DDX4: variants seen among roughly 807,000 people sequenced by gnomAD.
The protein encoded by DDX4 is probable ATP-dependent RNA helicase DDX4.
A neutral mutation model predicts 100.0 loss-of-function variants in DDX4; 25 were observed. That is an observed-to-expected ratio of 0.25 (90% CI 0.18 to 0.35). DDX4 has a LOEUF of 0.35. Ranked by LOEUF, DDX4 falls within the 10% of genes least tolerant of loss-of-function variation. The pLI, the probability that DDX4 is intolerant of heterozygous loss-of-function variation, is 1.00. For synonymous variants in DDX4, 259 were observed against 275.7 expected (o/e 0.94, Z 0.60); for missense variants, 635 against 882.4 (o/e 0.72, Z 3.55).
intron 7 of DDX4, 27 bp downstream of exon 7, chr5:55,767,967 G>A (rs1209076833): frequency 1.2e-6 from 2 of 1,602,226 alleles, no homozygotes; most frequent in Non-Finnish European, 8.6e-7. Flanking sequence ...GGAACAATTT[G>A]TACTTAACAC....
chr5:55,785,230 CA>C, intron 10 of DDX4, 66 bp from the exon 11 acceptor site: 1 of 1,070,844 alleles, frequency 9.3e-7, no homozygotes, highest in Non-Finnish European at 1.4e-6. Flanking sequence ...TGAAGACAAG[CA>C]ACGAAAATAA....
intron 7 of DDX4, among the ~76,000 whole-genome samples, chr5:55,772,141 G>T (rs1741292650): frequency 6.6e-6 from 1 of 152,202 alleles, no homozygotes; most frequent in African/African-American, 2.4e-5. Context: ...AACCTGGGAG[G>T]CAGAGGTTGC....
At chr5:55,762,550 A>G (rs1226224779) in intron 4 of DDX4, among the ~76,000 whole-genome samples, 1 of 152,186 alleles carries the variant, frequency 6.6e-6, no homozygotes, top group Non-Finnish European at 1.5e-5. Context: ...AAAGATACAA[A>G]ATATTAGCAG....
At chr5:55,758,903 C>T (rs978873265) in intron 3 of DDX4, among the ~76,000 whole-genome samples, 6 of 127,996 alleles carry the variant, frequency 4.7e-5, no homozygotes, top group African/African-American at 1.2e-4. Context: ...AAAAAAGAGG[C>T]AGACAGACAA....
At chr5:55,772,965 G>T (rs1741344099) in intron 7 of DDX4, 1 of 152,192 alleles carries the variant, frequency 6.6e-6, no homozygotes, top group Non-Finnish European at 1.5e-5. Flanking sequence ...ATTCCTGTGT[G>T]ATTTTTAGAA....
At position 55,773,927 on chromosome 5, in the gene DDX4, T is replaced by G. The variant is rs73131137; in HGVS notation, c.394+5987T>G. Among the ~76,000 whole-genome samples, 1,447 of 152,122 alleles carry G rather than the reference T, an allele frequency of 9.5e-3. 28 individuals carry two copies. Among genetic ancestry groups the G allele is most frequent in the African/African-American group, 0.033 (1,379 of 41,518 alleles). Reference sequence around the variant, plus strand: ...GCATGTGTGCCACAGTGCCCAGCCCTTATTGTTGTTTTGATTGCATTTTTT... The same window carrying G: ...GCATGTGTGCCACAGTGCCCAGCCCGTATTGTTGTTTTGATTGCATTTTTT... On this transcript the variant is annotated intron_variant, in intron 7 of 21. Coordinates refer to ENST00000505374, the MANE Select transcript of DDX4 (RefSeq NM_024415.3).
intron 2 of DDX4, among the ~76,000 whole-genome samples, chr5:55,744,401 G>T (rs567688498): frequency 6.6e-6 from 1 of 152,122 alleles, no homozygotes; most frequent in Non-Finnish European, 1.5e-5. Context: ...GCCGTATTCT[G>T]AACTTTTGCC....
chr5:55,751,466 C>T (rs1170183147), intron 3 of DDX4, among the ~76,000 whole-genome samples: 1 of 152,218 alleles, frequency 6.6e-6, no homozygotes, highest in Non-Finnish European at 1.5e-5. Context: ...AACTCCTGAG[C>T]TCAAGTGATC....
At chr5:55,801,311 TCTC>T (rs1291581041) in intron 18 of DDX4, among the ~76,000 whole-genome samples, 1 of 151,934 alleles carries the variant, frequency 6.6e-6, no homozygotes, top group Non-Finnish European at 1.5e-5. Flanking sequence ...CCAAGACAAT[TCTC>T]CTAATGTGGC....
rs1743108492 is a variant in DDX4, at chr5:55,798,586, T to C, written c.1615+15T>C. On this transcript the variant is annotated intron_variant, in intron 18 of 21. Transcript: ENST00000505374. ...GCGAAACATAGGTATCTTACGTTGA[T>C]ACATTTTTTTGTCATGATTTTGATT... The C allele has an allele frequency of 6.4e-7, 1 of 1,565,124 alleles. No individual in the cohort carries two copies. Among genetic ancestry groups the C allele is most frequent in the South Asian group, 1.2e-5 (1 of 82,020 alleles).
intron 3 of DDX4, among the ~76,000 whole-genome samples, chr5:55,749,986 A>G (rs555373677): frequency 9.9e-6 from 1 of 100,736 alleles, no homozygotes; most frequent in African/African-American, 4.8e-5. Flanking sequence ...ATTCAGAGCA[A>G]AAAAAAAAAA....
At chr5:55,781,503 G>C (rs571792212) in intron 9 of DDX4, among the ~76,000 whole-genome samples, 1 of 152,182 alleles carries the variant, frequency 6.6e-6, no homozygotes, top group Non-Finnish European at 1.5e-5. Context: ...GAGGCCGGGC[G>C]TGGTGGCTCA....
chr5:55,759,682 C>G (rs539195537), intron 3 of DDX4, among the ~76,000 whole-genome samples: 1 of 152,074 alleles, frequency 6.6e-6, no homozygotes, highest in African/African-American at 2.4e-5. Context: ...ACAGACAGTG[C>G]TTATAAAAAT....
chr5:55,772,550 CCTT>C (rs1486181411), intron 7 of DDX4, among the ~76,000 whole-genome samples: 1 of 152,120 alleles, frequency 6.6e-6, no homozygotes, highest in East Asian at 1.9e-4. Flanking sequence ...GGATGTTTGT[CCTT>C]CTCATGTTGA....
chr5:55,781,912 GT>G (rs758026347), intron 9 of DDX4, 21 bp from the exon 10 acceptor site: 11 of 1,613,408 alleles, frequency 6.8e-6, no homozygotes, highest in Non-Finnish European at 9.3e-6. Context: ...ATCTAAATAT[GT>G]TGTGAAACAA....
At chr5:55,752,126 T>C (rs1759592415) in intron 3 of DDX4, among the ~76,000 whole-genome samples, 1 of 152,114 alleles carries the variant, frequency 6.6e-6, no homozygotes, top group Non-Finnish European at 1.5e-5. Flanking sequence ...CTAGACATAA[T>C]AGAAAATTTA....
At chr5:55,776,211 T>C (rs533234132) in intron 7 of DDX4, among the ~76,000 whole-genome samples, 151 of 152,266 alleles carry the variant, frequency 9.9e-4, no homozygotes, top group Non-Finnish European at 1.6e-3. Context: ...TAAACACAGA[T>C]GAAGAGAATG....
At position 55,815,133 on chromosome 5, in the gene DDX4, A is replaced by C. The variant is rs1174571740; in HGVS notation, c.1948A>C (p.Asn650His). 5 of 1,614,136 alleles carry C rather than the reference A, an allele frequency of 3.1e-6. No individual in the cohort carries two copies. In the African/African-American group the frequency reaches 5.3e-5, roughly 17 times the overall value. ...TTCCTTTTTTGATCTTGAATCGGAT[A>C]ACCATTTAGCACAGCCTCTAGTAAA... ...AISFFDLESDNHLAQPLVKVL... is the reference protein window; with the variant it reads ...AISFFDLESDHHLAQPLVKVL... The change falls in exon 20 of 22, where the codon AAC becomes CAC. Residue 650 changes from asparagine (N) to histidine (H), a missense_variant. Asn to His is a moderately conservative substitution (Grantham distance 68). Coordinates refer to ENST00000505374, the MANE Select transcript of DDX4 (RefSeq NM_024415.3).
At chr5:55,768,781 C>A (rs924744173) in intron 7 of DDX4, among the ~76,000 whole-genome samples, 1 of 152,164 alleles carries the variant, frequency 6.6e-6, no homozygotes, top group African/African-American at 2.4e-5. Flanking sequence ...TGCAAGCTTG[C>A]CAGCATCTGT....
Sources: gnomAD v4.1 joint callset for allele counts (sites outside exome capture counted in the v4.1 genomes callset) on GRCh38, gnomAD v4.1.1 for gene constraint, MANE v1.5 for transcripts, NCBI Gene and HGNC (gene_info 2026-07-23, HGNC 2026-07-21) for gene names.